Variants in HNRNPH2 observed in about 807,000 individuals in gnomAD.
The protein encoded by HNRNPH2 is heterogeneous nuclear ribonucleoprotein H2.
For missense variants in HNRNPH2, 115 were observed against 352.9 expected, an observed-to-expected ratio of 0.33 and a Z score of 5.40; for synonymous variants, 128 against 128.2, an observed-to-expected ratio of 1.00 and a Z score of 0.01.
chrX:101,412,112 G>T lies in HNRNPH2; in HGVS notation c.124G>T (p.Gly42Cys). 1 of 1,211,523 alleles carries T rather than the reference G, an allele frequency of 8.3e-7. No individual in the cohort carries two copies. The highest frequency in any genetic ancestry group is 1.1e-6 in the Non-Finnish European group (1 of 895,413). ...TTGCAAGATCCAAAATGGCACATCAGGTATTCGTTTCATCTACACCAGAGA... is the reference window on the plus strand; with the variant it reads ...TTGCAAGATCCAAAATGGCACATCATGTATTCGTTTCATCTACACCAGAGA... Reference protein sequence around the residue: ...SDCKIQNGTSGIRFIYTREGR... With the variant: ...SDCKIQNGTSCIRFIYTREGR... Residue 42 changes from glycine (G) to cysteine (C), a missense_variant, in exon 2 of 2, where the codon GGT (glycine) becomes TGT (cysteine). By Grantham distance (159) the Gly-to-Cys change is radical. Transcript: ENST00000316594.
rs114089877 is a variant in HNRNPH2 at position 101,409,023 on chromosome X, C to T, written c.-54+704C>T. On this transcript the variant is annotated intron_variant, in intron 1 of 1. Coordinates refer to ENST00000316594, the MANE Select transcript of HNRNPH2 (RefSeq NM_019597.5). The stretch of plus-strand genomic sequence containing the variant: ...CCTGGTTCCCACTTTAGCCAGCAGT[C>T]CTGATGGCCTTCCCAGGAGACGCAG... 5.2e-3 allele frequency among the ~76,000 whole-genome samples: 581 copies of T among 110,863 alleles called. 6 individuals are homozygous for T. Among genetic ancestry groups the T allele is most frequent in the African/African-American group, 0.018 (538 of 30,425 alleles).
In HNRNPH2 at chrX:101,412,071, T is replaced by A; in HGVS notation, c.83T>A (p.Met28Lys). Residue 28 changes from methionine to lysine, a missense_variant, in exon 2 of 2, where the codon ATG (methionine) becomes AAG (lysine). Coordinates refer to ENST00000316594, the MANE Select transcript of HNRNPH2 (RefSeq NM_019597.5). The stretch of plus-strand genomic sequence containing the variant: ...TGGTCCTGCTCAGCCGATGAAGTGA[T>A]GCGCTTCTTCTCTGATTGCAAGATC... ...LPWSCSADEV[M>K]RFFSDCKIQN... 8.3e-7 allele frequency: 1 copy of A among 1,211,508 alleles called. No homozygotes were observed. The highest frequency in any genetic ancestry group is 1.1e-6 in the Non-Finnish European group (1 of 895,419).
chrX:101,409,147 CAAAAA>C (rs58205291), intron 1 of HNRNPH2, among the ~76,000 whole-genome samples: 1 of 57,420 alleles, frequency 1.7e-5, no homozygotes, highest in African/African-American at 4.9e-5. Flanking sequence ...ATAAGGCAAG[CAAAAA>C]AAAAAAAAAA....
chrX:101,411,892 C>T (rs782479169), intron 1 of HNRNPH2, 44 bp from the exon 2 acceptor site: 135 of 1,114,449 alleles, frequency 1.2e-4, no homozygotes, highest in African/African-American at 1.9e-4. Flanking sequence ...TACTATATCA[C>T]GAGCATTTTT....
Position 101,412,738 on chromosome X carries a change from T to C in HNRNPH2, c.750T>C (p.Asn250=), listed in dbSNP as rs369709581. 1 of 1,208,794 alleles carries C rather than the reference T, an allele frequency of 8.3e-7. No individual in the cohort carries two copies. Among genetic ancestry groups the C allele is most frequent in the Non-Finnish European group, 1.1e-6 (1 of 894,442 alleles). The change falls in exon 2 of 2, where the codon AAT becomes AAC. Residue 250 remains asparagine, a synonymous_variant. Coordinates refer to ENST00000316594, the MANE Select transcript of HNRNPH2 (RefSeq NM_019597.5). ...YGGYDDYGGY[N]DGYGFGSDRF... ...GCTATGATGACTATGGTGGCTATAA[T>C]GATGGATATGGCTTTGGGTCTGATA...
At chrX:101,408,695 G>A (rs371338376) in intron 1 of HNRNPH2, among the ~76,000 whole-genome samples, 3 of 111,452 alleles carry the variant, frequency 2.7e-5, no homozygotes, top group African/African-American at 9.8e-5. Flanking sequence ...CTGATTGTCT[G>A]TAAGGGGAGG....
intron 1 of HNRNPH2, among the ~76,000 whole-genome samples, chrX:101,409,603 A>G (rs1338765750): frequency 2.7e-5 from 3 of 112,166 alleles, no homozygotes; most frequent in Non-Finnish European, 5.6e-5. Context: ...CTAACTTAAA[A>G]AGAAAAAATC....
intron 1 of HNRNPH2, among the ~76,000 whole-genome samples, chrX:101,410,423 T>C: frequency 8.9e-6 from 1 of 112,365 alleles, no homozygotes; most frequent in South Asian, 3.6e-4. Context: ...TCCATTATCT[T>C]GATGGGTGAA....
At position 101,413,364 on chromosome X, in the gene HNRNPH2, C is replaced by T. The variant is rs1928865844; in HGVS notation, c.*26C>T. ...GTAGAGAAGGAGCACTAAATAGCTA[C>T]TCCAGATATAAAAGCTGTACATTTG... On this transcript the variant is annotated 3_prime_UTR_variant, in exon 2 of 2. Coordinates refer to ENST00000316594, the MANE Select transcript of HNRNPH2 (RefSeq NM_019597.5). 8.9e-7 allele frequency: 1 copy of T among 1,123,074 alleles called. No individual in the cohort carries two copies. The highest frequency in any genetic ancestry group is 1.2e-6 in the Non-Finnish European group (1 of 842,030). 92.6% of individuals were successfully genotyped at this position (1,123,074 alleles called of 1,213,427 possible).
In HNRNPH2 at chrX:101,413,319, A is replaced by G; in HGVS notation, c.1331A>G (p.Tyr444Cys). 8.5e-7 allele frequency: 1 copy of G among 1,182,286 alleles called. No individual in the cohort carries two copies. Residue 444 changes from tyrosine (Y) to cysteine (C), a missense_variant, in exon 2 of 2, where the codon TAT becomes TGT. Coordinates refer to ENST00000316594, the MANE Select transcript of HNRNPH2 (RefSeq NM_019597.5). Reference protein sequence around the residue: ...DQVLQENSSDYQSNLA With the variant: ...DQVLQENSSDCQSNLA ...GTTCTGCAGGAAAACTCCAGTGACT[A>G]TCAGTCAAACCTTGCTTAGGTAGAG...
At chrX:101,408,807 T>A (rs16984527) in intron 1 of HNRNPH2, among the ~76,000 whole-genome samples, 73 of 112,168 alleles carry the variant, frequency 6.5e-4, no homozygotes, top group East Asian at 4.2e-3. Flanking sequence ...GAATAATGTT[T>A]ATTTTTCTGC....
intron 1 of HNRNPH2, among the ~76,000 whole-genome samples, chrX:101,409,978 TGTAA>T (rs1316060864): frequency 3.6e-5 from 4 of 111,765 alleles, no homozygotes; most frequent in African/African-American, 1.3e-4. Context: ...AAGGAACATT[TGTAA>T]GTATTTCTGT....
rs1033237781 is a variant in HNRNPH2 at position 101,408,263 on chromosome X, C to T, written c.-110C>T. 5 of 287,477 alleles carry T rather than the reference C, an allele frequency of 1.7e-5. No individual in the cohort carries two copies. Among genetic ancestry groups the T allele is most frequent in the Admixed American group, 5.1e-5 (1 of 19,663 alleles). The allele number at this position is 287,477 out of a possible 1,213,427, so 23.7% of individuals were successfully genotyped here. A position where few individuals can be genotyped will look rare whatever the true frequency, so the allele number is the denominator to read the frequency against. ...AGAAGTAGTTCTGGTCGTCGTCTAC[C>T]GTCTCGCTATAGCCGTTTGAGGGAA... On this transcript the variant is annotated 5_prime_UTR_variant, in exon 1 of 2. Transcript: ENST00000316594.
rs782235617 is a variant in HNRNPH2 at position 101,412,129 on chromosome X, C to T, written c.141C>T (p.Tyr47=). 2.5e-6 allele frequency: 3 copies of T among 1,211,720 alleles called. No homozygotes were observed. Among genetic ancestry groups the T allele is most frequent in the East Asian group, 3.0e-5 (1 of 33,859 alleles). Residue 47 remains tyrosine (Y), a synonymous_variant, in exon 2 of 2, where the codon TAC becomes TAT. Coordinates refer to ENST00000316594, the MANE Select transcript of HNRNPH2 (RefSeq NM_019597.5). ...QNGTSGIRFI[Y]TREGRPSGEA... is the part of the protein sequence containing the mutation. Reference sequence around the variant, plus strand: ...GCACATCAGGTATTCGTTTCATCTACACCAGAGAAGGCAGACCAAGTGGTG... The same window carrying T: ...GCACATCAGGTATTCGTTTCATCTATACCAGAGAAGGCAGACCAAGTGGTG...
At chrX:101,408,933 T>C (rs1439360158) in intron 1 of HNRNPH2, among the ~76,000 whole-genome samples, 2 of 112,014 alleles carry the variant, frequency 1.8e-5, no homozygotes, top group Non-Finnish European at 3.8e-5. Flanking sequence ...CTGATGTCGT[T>C]ACAGTTTTTT....
chrX:101,411,806 C>T lies in HNRNPH2; in HGVS notation c.-53-130C>T, dbSNP rs189564789. ...GAATGAGTTAAAAATTTGGTGAACT[C>T]TCTGTTTATACAGACGTCTTACAGA... On this transcript the variant is annotated intron_variant, in intron 1 of 1. Coordinates refer to ENST00000316594, the MANE Select transcript of HNRNPH2 (RefSeq NM_019597.5). 5.5e-4 allele frequency: 373 copies of T among 678,131 alleles called. 1 individual carries two copies. The African/African-American group carries it at 7.7e-3, about 14-fold the overall frequency. The allele number at this position is 678,131 out of a possible 1,213,427, so 55.9% of individuals were successfully genotyped here. A position where few individuals can be genotyped will look rare whatever the true frequency, so the allele number is the denominator to read the frequency against.
At chrX:101,409,599 TAAAAAG>T in intron 1 of HNRNPH2, among the ~76,000 whole-genome samples, 1 of 111,735 alleles carries the variant, frequency 8.9e-6, no homozygotes, top group East Asian at 2.8e-4. Context: ...CTTTCTAACT[TAAAAAG>T]AAAAAATCCC....
At chrX:101,408,954 T>C (rs997038811) in intron 1 of HNRNPH2, among the ~76,000 whole-genome samples, 1 of 111,745 alleles carries the variant, frequency 8.9e-6, no homozygotes, top group Non-Finnish European at 1.9e-5. Flanking sequence ...AAAAAATGTG[T>C]ATAACACACA....
chrX:101,411,785 G>A, intron 1 of HNRNPH2, 151 bp from the exon 2 acceptor site: 1 of 524,908 alleles, frequency 1.9e-6, no homozygotes, highest in East Asian at 3.8e-5. Context: ...AAAAATGAAT[G>A]AGTTAAAAAT....
Sources: allele counts gnomAD v4.1 joint callset (sites outside exome capture counted in the v4.1 genomes callset), GRCh38; gene constraint gnomAD v4.1.1; transcripts MANE v1.5; gene names NCBI Gene and HGNC (gene_info 2026-07-23, HGNC 2026-07-21).